Variants in DOK5 observed in about 807,000 individuals in gnomAD.
DOK5 encodes the protein downstream of tyrosine kinase 5.
In DOK5, 27 loss-of-function variants were observed where a neutral mutation model predicts 43.3. That is an observed-to-expected ratio of 0.62 (90% CI 0.46 to 0.86). The LOEUF is 0.86. Among genes scored for constraint, DOK5 ranks in the 40% least tolerant of loss-of-function variants. DOK5 has a pLI of 0.00. For synonymous variants in DOK5, 146 were observed against 140.1 expected, an observed-to-expected ratio of 1.04 and a Z score of -0.30; for missense variants, 373 against 392.9, an observed-to-expected ratio of 0.95 and a Z score of 0.43.
At chr20:54,506,512 G>A (rs973994342) in intron 1 of DOK5, among the ~76,000 whole-genome samples, 1 of 152,146 alleles carries the variant, frequency 6.6e-6, no homozygotes, top group Admixed American at 6.5e-5. Context: ...CCAGGCTGGA[G>A]TTCAGTGGCA....
intron 5 of DOK5, among the ~76,000 whole-genome samples, chr20:54,593,594 A>G (rs1390584676): frequency 6.6e-6 from 1 of 152,214 alleles, no homozygotes; most frequent in African/African-American, 2.4e-5. Flanking sequence ...CGGGAGGCCA[A>G]CACAGGAGGA....
In DOK5 at chr20:54,542,109, C is replaced by G. The variant is rs868109388; in HGVS notation, c.67-12824C>G. Among the ~76,000 whole-genome samples the G allele has an allele frequency of 7.7e-4, 117 of 151,322 alleles. 2 individuals carry two copies. In the South Asian group the frequency reaches 0.013, roughly 17 times the overall value. ...AGACATATTATAAGATACACACACA[C>G]ACACACACACACACACACACACACA... is the stretch of plus-strand genomic sequence containing the variant. On this transcript the variant is annotated intron_variant, in intron 1 of 7. Transcript: ENST00000262593.
intron 6 of DOK5, among the ~76,000 whole-genome samples, chr20:54,623,189 GGGGTCCCATT>G (rs1222703323): frequency 1.3e-5 from 2 of 152,178 alleles, no homozygotes; most frequent in East Asian, 3.9e-4. Context: ...TGTCAACAAT[GGGGTCCCATT>G]GGCATCTGGT....
At chr20:54,578,782 A>G (rs1299872895) in intron 2 of DOK5, among the ~76,000 whole-genome samples, 3 of 152,182 alleles carry the variant, frequency 2.0e-5, no homozygotes, top group Non-Finnish European at 2.9e-5. Flanking sequence ...TTCAGGTTTC[A>G]GTCATGGAGC....
intron 6 of DOK5, among the ~76,000 whole-genome samples, chr20:54,624,297 T>G (rs1987073612): frequency 6.6e-6 from 1 of 152,166 alleles, no homozygotes; most frequent in Non-Finnish European, 1.5e-5. Flanking sequence ...GTGAGCCTAG[T>G]GTTTAAAGGG....
chr20:54,539,532 C>T (rs66842421), intron 1 of DOK5, among the ~76,000 whole-genome samples: 8,452 of 152,166 alleles, frequency 0.056, 243 homozygotes, highest in Middle Eastern at 0.075. Context: ...CTGCAACTGC[C>T]TGTGACTCAA....
At chr20:54,575,238 G>A (rs545243232) in intron 2 of DOK5, among the ~76,000 whole-genome samples, 9 of 152,172 alleles carry the variant, frequency 5.9e-5, no homozygotes, top group African/African-American at 1.9e-4. Flanking sequence ...GAGACTCAGA[G>A]TTACAAAGAA....
At chr20:54,603,319 C>T (rs575104221) in intron 5 of DOK5, among the ~76,000 whole-genome samples, 83 of 152,316 alleles carry the variant, frequency 5.4e-4, no homozygotes, top group African/African-American at 1.9e-3. Context: ...CGAGTACACA[C>T]ACGGGGCACT....
chr20:54,500,309 A>G (rs187664401), intron 1 of DOK5, among the ~76,000 whole-genome samples: 454 of 152,246 alleles, frequency 3.0e-3, no homozygotes, highest in African/African-American at 0.01. Flanking sequence ...AATATAATAA[A>G]CTAAATTTGA....
chr20:54,528,072 ATGG>A (rs536583706), intron 1 of DOK5, among the ~76,000 whole-genome samples: 124 of 152,096 alleles, frequency 8.2e-4, no homozygotes, highest in Middle Eastern at 3.4e-3. Flanking sequence ...GTTGGGCGTG[ATGG>A]TAGGCGCCTG....
intron 2 of DOK5, among the ~76,000 whole-genome samples, chr20:54,579,380 AG>A (rs1191668763): frequency 8.4e-6 from 1 of 118,728 alleles, no homozygotes; most frequent in Non-Finnish European, 1.6e-5. Flanking sequence ...GTGTGTTGGC[AG>A]GGGGTGAGGC....
intron 1 of DOK5, among the ~76,000 whole-genome samples, chr20:54,535,293 G>GTT (rs112169921): frequency 2.7e-5 from 4 of 148,266 alleles, no homozygotes; most frequent in African/African-American, 9.9e-5. Flanking sequence ...TTCCTTGTGG[G>GTT]TTTTTTTTTT....
intron 5 of DOK5, among the ~76,000 whole-genome samples, chr20:54,593,330 T>A (rs1986038873): frequency 6.6e-6 from 1 of 152,154 alleles, no homozygotes; most frequent in South Asian, 2.1e-4. Context: ...AGAAATATGA[T>A]CACTTTGATG....
chr20:54,491,294 T>G (rs1290256644), intron 1 of DOK5, among the ~76,000 whole-genome samples: 1 of 152,182 alleles, frequency 6.6e-6, no homozygotes, highest in Non-Finnish European at 1.5e-5. Flanking sequence ...CAATAAATAT[T>G]TAAGTGAATA....
intron 2 of DOK5, among the ~76,000 whole-genome samples, chr20:54,588,159 A>G (rs1985868261): frequency 6.6e-6 from 1 of 152,186 alleles, no homozygotes; most frequent in South Asian, 2.1e-4. Context: ...ACTATTGGTC[A>G]AGTGGAGTCT....
chr20:54,648,272 G>T (rs1287542825), intron 7 of DOK5, among the ~76,000 whole-genome samples: 1 of 151,992 alleles, frequency 6.6e-6, no homozygotes, highest in African/African-American at 2.4e-5. Flanking sequence ...GACATACCTG[G>T]GACTCCTAGG....
intron 1 of DOK5, among the ~76,000 whole-genome samples, chr20:54,547,301 C>G (rs1019032187): frequency 5.9e-5 from 9 of 152,092 alleles, no homozygotes; most frequent in Admixed American, 3.3e-4. Flanking sequence ...TTTGCCAACT[C>G]CTGTGGTAGA....
chr20:54,485,513 G>A (rs1185271183), intron 1 of DOK5, among the ~76,000 whole-genome samples: 2 of 152,192 alleles, frequency 1.3e-5, no homozygotes, highest in East Asian at 3.8e-4. Context: ...ACCATGGTGT[G>A]TATGTACAAT....
At chr20:54,627,972 A>C (rs1292444838) in intron 6 of DOK5, among the ~76,000 whole-genome samples, 1 of 152,160 alleles carries the variant, frequency 6.6e-6, no homozygotes, top group Non-Finnish European at 1.5e-5. Flanking sequence ...CATAGCATGC[A>C]CCTTGTGCTT....
Sources: allele counts gnomAD v4.1 joint callset (sites outside exome capture counted in the v4.1 genomes callset), GRCh38; gene constraint gnomAD v4.1.1; transcripts MANE v1.5; gene names NCBI Gene and HGNC (gene_info 2026-07-23, HGNC 2026-07-21).